DLG2: variants seen among roughly 807,000 people sequenced by gnomAD.
DLG2 encodes disks large homolog 2.
In DLG2, 45 loss-of-function variants were observed where a neutral mutation model predicts 132.5. The ratio of observed to expected loss-of-function variants is 0.34; its 90% CI spans 0.27 to 0.44. The LOEUF is 0.44. DLG2 is among the 20% of genes least tolerant of loss of function. The probability of loss-of-function intolerance (pLI) is 1.00; values close to 1 mark genes in which losing one functional copy is unlikely to be tolerated. For missense variants in DLG2, 1,045 were observed against 1,196.9 expected, an observed-to-expected ratio of 0.87 and a Z score of 1.87; for synonymous variants, 424 against 419.6, an observed-to-expected ratio of 1.01 and a Z score of -0.13.
Position 83,537,828 on chromosome 11 carries a change from AAAAAAAAGAGAG to A in DLG2, c.2117+3842_2117+3853del, listed in dbSNP as rs1490018199. 7.9e-4 allele frequency among the ~76,000 whole-genome samples: 110 copies of A among 138,978 alleles called. 1 individual carries two copies. Among genetic ancestry groups the A allele is most frequent in the South Asian group, 7.0e-3 (32 of 4,554 alleles). 91.2% of individuals were successfully genotyped at this position (138,978 alleles called of 152,430 possible). ...GTCTCAAAAAAAAAAAAAAAAAAAAAAAAAAAAGAGAGAGAGAGATACCATGGAACAAAACCC... is the reference window on the plus strand; with the variant it reads ...GTCTCAAAAAAAAAAAAAAAAAAAAAAGAGAGATACCATGGAACAAAACCC... On this transcript the variant is annotated intron_variant, in intron 20 of 27. Coordinates refer to ENST00000376104, the MANE Select transcript of DLG2 (RefSeq NM_001142699.3).
At chr11:84,485,816 T>C (rs923857645) in intron 7 of DLG2, among the ~76,000 whole-genome samples, 4 of 152,186 alleles carry the variant, frequency 2.6e-5, no homozygotes, top group Non-Finnish European at 5.9e-5. Context: ...GTTAGGTTTG[T>C]TGTAAGAATG....
At chr11:85,507,542 A>T (rs1303432356) in intron 3 of DLG2, among the ~76,000 whole-genome samples, 2 of 152,180 alleles carry the variant, frequency 1.3e-5, no homozygotes, top group Non-Finnish European at 2.9e-5. Flanking sequence ...ATTGGACCAC[A>T]CTTTCTTATG....
chr11:85,005,667 C>T (rs182072992), intron 6 of DLG2, among the ~76,000 whole-genome samples: 196 of 152,298 alleles, frequency 1.3e-3, no homozygotes, highest in African/African-American at 4.5e-3. Flanking sequence ...ATCATGTCAT[C>T]TGCAAACAGA....
intron 4 of DLG2, among the ~76,000 whole-genome samples, chr11:85,234,558 A>G (rs1417097437): frequency 6.6e-6 from 1 of 152,042 alleles, no homozygotes; most frequent in Non-Finnish European, 1.5e-5. Flanking sequence ...TGAGTAGACA[A>G]TTAAATGGGG....
At chr11:84,551,107 A>T (rs1592161831) in intron 6 of DLG2, among the ~76,000 whole-genome samples, 1 of 152,204 alleles carries the variant, frequency 6.6e-6, no homozygotes, top group East Asian at 1.9e-4. Flanking sequence ...AAAGTTGAAA[A>T]ATAAGGCAGA....
chr11:85,218,760 G>A lies in DLG2; in HGVS notation c.187-64109C>T, dbSNP rs147584893. Reference sequence around the variant, plus strand: ...AAGTCATTCTACCAAAAAGACACATGAACTCATATGTTCCTGGATGCACTA... The same window carrying A: ...AAGTCATTCTACCAAAAAGACACATAAACTCATATGTTCCTGGATGCACTA... On this transcript the variant is annotated intron_variant, in intron 4 of 27. Coordinates refer to ENST00000376104, the MANE Select transcript of DLG2 (RefSeq NM_001142699.3). Among the ~76,000 whole-genome samples, 921 of 152,164 alleles carry A rather than the reference G, an allele frequency of 6.1e-3. 3 individuals carry two copies. Among genetic ancestry groups the A allele is most frequent in the Non-Finnish European group, 9.4e-3 (641 of 68,004 alleles).
intron 6 of DLG2, among the ~76,000 whole-genome samples, chr11:84,556,899 A>G (rs1015823882): frequency 6.6e-6 from 1 of 152,174 alleles, no homozygotes; most frequent in African/African-American, 2.4e-5. Context: ...TATACAATCT[A>G]TAAGGAATAA....
intron 5 of DLG2, among the ~76,000 whole-genome samples, chr11:85,144,858 C>A (rs1039365949): frequency 1.3e-5 from 2 of 152,020 alleles, no homozygotes; most frequent in African/African-American, 4.8e-5. Flanking sequence ...GGTTTACACA[C>A]CACAATTACA....
intron 3 of DLG2, among the ~76,000 whole-genome samples, chr11:85,333,633 A>G (rs533918551): frequency 6.6e-6 from 1 of 152,220 alleles, no homozygotes; most frequent in African/African-American, 2.4e-5. Flanking sequence ...GGGTTTTGAC[A>G]TGGGGAGATT....
intron 3 of DLG2, among the ~76,000 whole-genome samples, chr11:85,513,576 T>A (rs1165956993): frequency 6.6e-6 from 1 of 151,940 alleles, no homozygotes; most frequent in Non-Finnish European, 1.5e-5. Context: ...TGAGCACTTA[T>A]CTTTCACTAG....
intron 17 of DLG2, among the ~76,000 whole-genome samples, chr11:83,832,981 T>C (rs2054987934): frequency 6.6e-6 from 1 of 152,204 alleles, no homozygotes; most frequent in Admixed American, 6.5e-5. Context: ...AGTCTGTTTT[T>C]TTAAATAAAA....
At chr11:85,523,511 G>A (rs1006507748) in intron 3 of DLG2, among the ~76,000 whole-genome samples, 2 of 152,138 alleles carry the variant, frequency 1.3e-5, no homozygotes, top group South Asian at 2.1e-4. Context: ...TCAGAGAAAT[G>A]AAAATCAAAC....
At chr11:84,181,105 T>G (rs1566839348) in intron 8 of DLG2, among the ~76,000 whole-genome samples, 1 of 152,068 alleles carries the variant, frequency 6.6e-6, no homozygotes, top group Middle Eastern at 3.4e-3. Context: ...TATGTGCTTA[T>G]ATATACACAC....
chr11:83,481,935 C>T (rs985511135), intron 22 of DLG2, among the ~76,000 whole-genome samples: 1 of 152,014 alleles, frequency 6.6e-6, no homozygotes, highest in Non-Finnish European at 1.5e-5. Context: ...AAAGCCACTA[C>T]TTTTTAGTGA....
At chr11:85,018,002 G>A (rs890529269) in intron 6 of DLG2, among the ~76,000 whole-genome samples, 12 of 152,268 alleles carry the variant, frequency 7.9e-5, no homozygotes, top group Admixed American at 2.6e-4. Flanking sequence ...AATGATATAA[G>A]TGTGTCTGGA....
intron 6 of DLG2, among the ~76,000 whole-genome samples, chr11:84,797,999 C>G (rs1202381186): frequency 6.6e-6 from 1 of 152,164 alleles, no homozygotes; most frequent in African/African-American, 2.4e-5. Context: ...CTCTTGCTCT[C>G]TTGCTCTCTT....
At chr11:84,578,687 C>A (rs1046773864) in intron 6 of DLG2, among the ~76,000 whole-genome samples, 1 of 152,100 alleles carries the variant, frequency 6.6e-6, no homozygotes, top group Non-Finnish European at 1.5e-5. Flanking sequence ...CTTGCCTTGT[C>A]TCAGATGAGA....
intron 6 of DLG2, among the ~76,000 whole-genome samples, chr11:84,744,607 T>C (rs1440783036): frequency 1.3e-5 from 2 of 152,144 alleles, no homozygotes; most frequent in African/African-American, 4.8e-5. Flanking sequence ...AAAATTGAAA[T>C]ACTAAGCTAA....
intron 10 of DLG2, among the ~76,000 whole-genome samples, chr11:84,079,877 T>C (rs537764275): frequency 6.6e-6 from 1 of 152,300 alleles, no homozygotes; most frequent in African/African-American, 2.4e-5. Context: ...TGGGCATGCA[T>C]TCTCTGCCTG....
Sources: allele counts gnomAD v4.1 joint callset (sites outside exome capture counted in the v4.1 genomes callset), GRCh38; gene constraint gnomAD v4.1.1; transcripts MANE v1.5; gene names NCBI Gene and HGNC (gene_info 2026-07-23, HGNC 2026-07-21).